The following FTO variants were observed in gnomAD, a reference collection of about 807,000 sequenced individuals.
FTO encodes FTO alpha-ketoglutarate dependent dioxygenase, also known as alpha-ketoglutarate-dependent dioxygenase FTO.
A neutral mutation model predicts 63.9 loss-of-function variants in FTO; 47 were observed. That is an observed-to-expected ratio of 0.74 (90% CI 0.58 to 0.94). The LOEUF (loss-of-function observed/expected upper bound fraction) is 0.94. FTO is among the 40% of genes least tolerant of loss of function. FTO has a pLI of 0.00. For missense variants in FTO, 562 were observed against 618.1 expected (o/e 0.91, Z 0.96); for synonymous variants, 207 against 224.4 (o/e 0.92, Z 0.69).
At chr16:53,953,955 G>A (rs149166743) in intron 8 of FTO, among the ~76,000 whole-genome samples, 14 of 152,274 alleles carry the variant, frequency 9.2e-5, no homozygotes, top group Non-Finnish European at 1.5e-4. Context: ...AATACGCTTC[G>A]GAAGCTACTC....
intron 8 of FTO, among the ~76,000 whole-genome samples, chr16:54,054,150 T>A (rs1451217613): frequency 6.6e-6 from 1 of 152,190 alleles, no homozygotes; most frequent in African/African-American, 2.4e-5. Context: ...TCTTAGCTAA[T>A]AAGGAATTCC....
intron 8 of FTO, among the ~76,000 whole-genome samples, chr16:54,014,105 A>G (rs1206548188): frequency 5.3e-5 from 8 of 152,172 alleles, no homozygotes; most frequent in African/African-American, 1.9e-4. Context: ...TGCTAGTGAT[A>G]TATGCACTTT....
chr16:53,994,386 T>A (rs1200694144), intron 8 of FTO: 1 of 152,206 alleles, frequency 6.6e-6, no homozygotes, highest in African/African-American at 2.4e-5. Flanking sequence ...TCTCACTCTG[T>A]TGCCCCAGGC....
At chr16:53,773,974 A>G (rs1244404889) in intron 1 of FTO, among the ~76,000 whole-genome samples, 1 of 152,180 alleles carries the variant, frequency 6.6e-6, no homozygotes, top group African/African-American at 2.4e-5. Context: ...GAAGAAAATT[A>G]CACATGGAAT....
At chr16:53,913,963 A>G (rs1423441429) in intron 7 of FTO, among the ~76,000 whole-genome samples, 1 of 147,984 alleles carries the variant, frequency 6.8e-6, no homozygotes, top group African/African-American at 2.5e-5. Flanking sequence ...TGGGCGGCAG[A>G]GTGAGGCTCT....
At chr16:53,729,978 A>C (rs75566209) in intron 1 of FTO, among the ~76,000 whole-genome samples, 2,449 of 152,288 alleles carry the variant, frequency 0.016, 33 homozygotes, top group Non-Finnish European at 0.024. Flanking sequence ...TAATTGCAAT[A>C]TCTGGCTGAG....
At chr16:54,012,997 C>T (rs1439024434) in intron 8 of FTO, among the ~76,000 whole-genome samples, 2 of 152,102 alleles carry the variant, frequency 1.3e-5, no homozygotes, top group African/African-American at 4.8e-5. Flanking sequence ...GCTGTTAAGC[C>T]CTATTATTTA....
At chr16:53,884,186 G>A (rs1004183708) in intron 6 of FTO, among the ~76,000 whole-genome samples, 5 of 152,222 alleles carry the variant, frequency 3.3e-5, no homozygotes, top group Admixed American at 6.5e-5. Flanking sequence ...CCTTATGGGA[G>A]ATAGTTTTTC....
chr16:53,939,015 A>C (rs1043853050), intron 8 of FTO, among the ~76,000 whole-genome samples: 1 of 151,958 alleles, frequency 6.6e-6, no homozygotes, highest in Non-Finnish European at 1.5e-5. Flanking sequence ...GGAGAATGGC[A>C]TGAACCCGGG....
At chr16:54,109,044 A>T (rs1004507817) in intron 8 of FTO, among the ~76,000 whole-genome samples, 6 of 152,192 alleles carry the variant, frequency 3.9e-5, no homozygotes, top group Non-Finnish European at 8.8e-5. Context: ...AAATCACAAA[A>T]TATCATTTGA....
At chr16:53,730,787 G>A (rs1217102715) in intron 1 of FTO, among the ~76,000 whole-genome samples, 1 of 152,046 alleles carries the variant, frequency 6.6e-6, no homozygotes, top group African/African-American at 2.4e-5. Context: ...ATGAGCCACC[G>A]AGCCCAGCCT....
chr16:53,839,804 TTTATTTATTTATTTA>T lies in FTO; in HGVS notation c.752-4348_752-4334del, dbSNP rs1192134228. Among the ~76,000 whole-genome samples, 8 of 81,230 alleles carry T rather than the reference TTTATTTATTTATTTA, an allele frequency of 9.8e-5. 1 individual carries two copies. Among genetic ancestry groups the T allele is most frequent in the African/African-American group, 4.5e-4 (8 of 17,792 alleles). 53.3% of individuals were successfully genotyped at this position (81,230 alleles called of 152,430 possible). ...ATTTATTTATTTATTTATTTATTTA[TTTATTTATTTATTTA>T]TTTTAAGGTGCAGTGTCACTATGTC... On this transcript the variant is annotated intron_variant, in intron 3 of 8. Coordinates refer to ENST00000471389, the MANE Select transcript of FTO (RefSeq NM_001080432.3).
intron 6 of FTO, among the ~76,000 whole-genome samples, chr16:53,888,342 G>A (rs1293098638): frequency 1.8e-5 from 1 of 56,518 alleles, no homozygotes. Flanking sequence ...CAGCCAGGAC[G>A]ACCAGCACAC....
intron 4 of FTO, among the ~76,000 whole-genome samples, chr16:53,871,760 C>T (rs1300978313): frequency 1.3e-5 from 2 of 151,438 alleles, no homozygotes; most frequent in African/African-American, 4.9e-5. Flanking sequence ...GAGTTTCACT[C>T]TCGTTTCCCA....
At chr16:53,813,833 T>C (rs2078600679) in intron 2 of FTO, among the ~76,000 whole-genome samples, 1 of 152,184 alleles carries the variant, frequency 6.6e-6, no homozygotes, top group African/African-American at 2.4e-5. Context: ...AGCAACTACT[T>C]TTCTTCAGGC....
At chr16:53,943,473 A>G (rs764529405) in intron 8 of FTO, among the ~76,000 whole-genome samples, 14 of 152,116 alleles carry the variant, frequency 9.2e-5, no homozygotes, top group Non-Finnish European at 2.1e-4. Flanking sequence ...TTTTGAGAAA[A>G]CATTGATTCA....
chr16:54,084,779 C>CGG (rs2086224236), intron 8 of FTO, among the ~76,000 whole-genome samples: 1 of 152,100 alleles, frequency 6.6e-6, no homozygotes, highest in Non-Finnish European at 1.5e-5. Flanking sequence ...TTACAGAGGC[C>CGG]GGGCGGGGAG....
intron 8 of FTO, among the ~76,000 whole-genome samples, chr16:53,967,088 G>A (rs181596393): frequency 5.3e-5 from 8 of 152,216 alleles, no homozygotes; most frequent in Admixed American, 3.3e-4. Context: ...TTAAAATTCC[G>A]CTGCGCAGTG....
intron 1 of FTO, among the ~76,000 whole-genome samples, chr16:53,796,738 C>T (rs7202533): frequency 9.9e-5 from 15 of 152,156 alleles, no homozygotes; most frequent in African/African-American, 3.6e-4. Flanking sequence ...GTTTTATAGG[C>T]ACGTTAAACC....
Sources: gnomAD v4.1 joint callset for allele counts (sites outside exome capture counted in the v4.1 genomes callset) on GRCh38, gnomAD v4.1.1 for gene constraint, MANE v1.5 for transcripts, NCBI Gene and HGNC (gene_info 2026-07-23, HGNC 2026-07-21) for gene names.